ADAM32: variants seen among roughly 807,000 people sequenced by gnomAD.
ADAM32 encodes ADAM metallopeptidase domain 32, also known as disintegrin and metalloproteinase domain-containing protein 32.
In ADAM32, 89 loss-of-function variants were observed where a neutral mutation model predicts 114.9. The ratio of observed to expected loss-of-function variants is 0.77; its 90% CI spans 0.65 to 0.92. The LOEUF (loss-of-function observed/expected upper bound fraction) is 0.92. Among genes scored for constraint, ADAM32 ranks in the 40% least tolerant of loss-of-function variants. The pLI is 0.00. For synonymous variants in ADAM32, 285 were observed against 307.5 expected (o/e 0.93, Z 0.77); for missense variants, 870 against 932.8 (o/e 0.93, Z 0.88).
chr8:39,200,012 A>G (rs1031404768), intron 11 of ADAM32, among the ~76,000 whole-genome samples: 27 of 151,906 alleles, frequency 1.8e-4, no homozygotes, highest in Non-Finnish European at 2.9e-4. Context: ...TTCTTAATCC[A>G]CTCTATCACT....
intron 19 of ADAM32, among the ~76,000 whole-genome samples, chr8:39,267,885 T>G (rs28795368): frequency 0.36 from 54,211 of 152,062 alleles, 11,990 homozygotes; most frequent in African/African-American, 0.63. Context: ...TACAGAGTGG[T>G]TAGCAGATGT....
At chr8:39,109,125 C>T (rs970716303) in intron 1 of ADAM32, among the ~76,000 whole-genome samples, 9 of 152,340 alleles carry the variant, frequency 5.9e-5, no homozygotes, top group Admixed American at 5.2e-4. Context: ...GGGTTCAGAA[C>T]TGCCTTATAC....
chr8:39,110,905 C>T (rs1840129444), intron 1 of ADAM32, among the ~76,000 whole-genome samples: 1 of 152,226 alleles, frequency 6.6e-6, no homozygotes, highest in African/African-American at 2.4e-5. Flanking sequence ...CAGCCCCTGG[C>T]AGCCACTGAT....
chr8:39,151,325 C>T, intron 5 of ADAM32, 52 bp from the exon 6 acceptor site: 4 of 1,379,048 alleles, frequency 2.9e-6, no homozygotes, highest in Non-Finnish European at 3.9e-6. Context: ...GTCAGAAATT[C>T]ATTATATAGA....
At chr8:39,271,033 CCA>C in intron 20 of ADAM32, 119 bp downstream of exon 20, 1 of 832,240 alleles carries the variant, frequency 1.2e-6, no homozygotes, top group Non-Finnish European at 1.9e-6. Flanking sequence ...GCACTGAAAT[CCA>C]GACTGCTAAT....
chr8:39,121,329 T>C (rs1316420796), intron 2 of ADAM32, among the ~76,000 whole-genome samples: 1 of 152,128 alleles, frequency 6.6e-6, no homozygotes, highest in Admixed American at 6.5e-5. Flanking sequence ...ACGATAGAGT[T>C]GTCTGGCTTC....
Position 39,257,250 on chromosome 8 carries a change from C to G in ADAM32, c.2069C>G (p.Ala690Gly). 1 of 1,612,444 alleles carries G rather than the reference C, an allele frequency of 6.2e-7. No individual in the cohort carries two copies. Among genetic ancestry groups the G allele is most frequent in the African/African-American group, 1.3e-5 (1 of 74,842 alleles). ...ACCTGGCTTCTAGGTTTCCTCATTG[C>G]TCTTCCTATTCTCATTGTAACAACC... ...ENTWLLGFLI[A>G]LPILIVTTAI... Residue 690 changes from alanine to glycine, a missense_variant, in exon 19 of 25, where the codon GCT becomes GGT. By Grantham distance (60) the Ala-to-Gly change is moderately conservative. Transcript: ENST00000379907.
intron 11 of ADAM32, among the ~76,000 whole-genome samples, chr8:39,208,605 T>C (rs1808007295): frequency 6.6e-6 from 1 of 152,216 alleles, no homozygotes; most frequent in African/African-American, 2.4e-5. Context: ...CCCTCCACTT[T>C]CATTGGTCTA....
intron 10 of ADAM32, among the ~76,000 whole-genome samples, chr8:39,179,611 C>T (rs7831826): frequency 0.96 from 146,513 of 152,248 alleles, 70,774 homozygotes; most frequent in East Asian, 1. Context: ...GATCCATGGG[C>T]TGCAAAGAGC....
chr8:39,193,191 C>A (rs1249501333), intron 11 of ADAM32, among the ~76,000 whole-genome samples: 1 of 152,010 alleles, frequency 6.6e-6, no homozygotes, highest in Non-Finnish European at 1.5e-5. Flanking sequence ...AGGTTTTGTT[C>A]TTTCCTTTAT....
intron 3 of ADAM32, among the ~76,000 whole-genome samples, chr8:39,143,467 T>C (rs149880363): frequency 0.035 from 5,282 of 152,264 alleles, 116 homozygotes; most frequent in Non-Finnish European, 0.047. Flanking sequence ...GTCAGACCCC[T>C]CAGCTGCAGG....
At chr8:39,198,066 A>T (rs1434703164) in intron 11 of ADAM32, among the ~76,000 whole-genome samples, 1 of 152,106 alleles carries the variant, frequency 6.6e-6, no homozygotes, top group East Asian at 1.9e-4. Flanking sequence ...TTATCATTAT[A>T]TAATGACTTG....
chr8:39,221,069 T>C (rs571753195), intron 12 of ADAM32: 2 of 152,148 alleles, frequency 1.3e-5, no homozygotes, highest in South Asian at 4.1e-4. Context: ...TAATGTTTGC[T>C]TTATATATTT....
intron 19 of ADAM32, among the ~76,000 whole-genome samples, chr8:39,262,583 A>T (rs1812103552): frequency 6.6e-6 from 1 of 151,166 alleles, no homozygotes. Flanking sequence ...CTCTTATTTG[A>T]TATGTTCAGA....
chr8:39,275,077 A>T (rs1812989967), intron 21 of ADAM32, among the ~76,000 whole-genome samples: 1 of 152,024 alleles, frequency 6.6e-6, no homozygotes. Context: ...TTTCATCTCT[A>T]CTTCTGAAGC....
intron 12 of ADAM32, among the ~76,000 whole-genome samples, chr8:39,216,827 T>G (rs576835185): frequency 6.6e-6 from 1 of 152,144 alleles, no homozygotes; most frequent in South Asian, 2.1e-4. Context: ...TTGTAGTTAT[T>G]ATTTTGATTG....
chr8:39,277,327 T>G (rs1175058906), intron 22 of ADAM32, among the ~76,000 whole-genome samples: 1 of 152,226 alleles, frequency 6.6e-6, no homozygotes, highest in Non-Finnish European at 1.5e-5. Flanking sequence ...AGGGAATCAT[T>G]TTAGAATAAC....
intron 14 of ADAM32, among the ~76,000 whole-genome samples, chr8:39,227,599 C>A (rs1278698032): frequency 3.3e-5 from 5 of 152,128 alleles, no homozygotes; most frequent in African/African-American, 1.2e-4. Flanking sequence ...TCAGCAGAGG[C>A]AGCCATAATC....
chr8:39,224,624 A>T (rs1809220368), intron 14 of ADAM32, among the ~76,000 whole-genome samples: 1 of 151,416 alleles, frequency 6.6e-6, no homozygotes, highest in Non-Finnish European at 1.5e-5. Flanking sequence ...GAGTTTTATG[A>T]GTTACTGATA....
Sources: allele counts gnomAD v4.1 joint callset (sites outside exome capture counted in the v4.1 genomes callset), GRCh38; gene constraint gnomAD v4.1.1; transcripts MANE v1.5; gene names NCBI Gene and HGNC (gene_info 2026-07-23, HGNC 2026-07-21).